The following EFL1 variants were observed in gnomAD, a reference collection of about 807,000 sequenced individuals.
EFL1 encodes elongation factor like GTPase 1.
Under a neutral mutation model 126.7 loss-of-function variants are expected in EFL1, and 76 were observed. The ratio of observed to expected loss-of-function variants is 0.60; its 90% CI spans 0.50 to 0.73. The LOEUF is 0.73. Among genes scored for constraint, EFL1 ranks in the 30% least tolerant of loss-of-function variants. The pLI, the probability that EFL1 is intolerant of heterozygous loss-of-function variation, is 0.00. For missense variants in EFL1, 1,128 were observed against 1,343.2 expected (o/e 0.84, Z 2.50); for synonymous variants, 410 against 448.4 (o/e 0.91, Z 1.08).
chr15:82,211,098 GAA>G (rs34614743), intron 15 of EFL1, among the ~76,000 whole-genome samples: 12 of 143,398 alleles, frequency 8.4e-5, no homozygotes, highest in East Asian at 4.1e-4. Context: ...CTGTTTCAAA[GAA>G]AAAAAAAAAA....
intron 17 of EFL1, among the ~76,000 whole-genome samples, chr15:82,152,823 A>G (rs1340299636): frequency 1.3e-5 from 2 of 152,212 alleles, no homozygotes; most frequent in Non-Finnish European, 2.9e-5. Flanking sequence ...TTAAAACTCT[A>G]AATAGACATA....
Position 82,228,294 on chromosome 15 carries a change from A to G in EFL1, c.966T>C (p.Ser322=). Reference sequence around the variant, plus strand: ...CCCGGGCTCCAATTTTTAATCCTAAAGAAGTCACTATTTTATCAATTTTGT... The same window carrying G: ...CCCGGGCTCCAATTTTTAATCCTAAGGAAGTCACTATTTTATCAATTTTGT... The part of the protein sequence containing the change: ...DKDKIDKIVT[S]LGLKIGAREA... Residue 322 remains serine, a synonymous_variant, in exon 10 of 20, where the codon TCT becomes TCC. Coordinates refer to ENST00000268206, the MANE Select transcript of EFL1 (RefSeq NM_024580.6). The G allele has an allele frequency of 6.2e-7, 1 of 1,614,080 alleles. No individual in the cohort carries two copies. Among genetic ancestry groups the G allele is most frequent in the Non-Finnish European group, 8.5e-7 (1 of 1,179,978 alleles).
chr15:82,228,427 A>G (rs2074787185), intron 9 of EFL1, 100 bp from the exon 10 acceptor site: 1 of 1,420,602 alleles, frequency 7.0e-7, no homozygotes, highest in Non-Finnish European at 9.3e-7. Flanking sequence ...CTAATGTGTT[A>G]CTTTTTCAAA....
intron 15 of EFL1, among the ~76,000 whole-genome samples, chr15:82,170,349 C>T (rs1419897471): frequency 6.6e-6 from 1 of 151,716 alleles, no homozygotes; most frequent in Non-Finnish European, 1.5e-5. Flanking sequence ...CTCCTGACCT[C>T]GTGATCCGCC....
intron 15 of EFL1, among the ~76,000 whole-genome samples, chr15:82,201,235 TCAC>T (rs1177107882): frequency 6.6e-6 from 1 of 151,950 alleles, no homozygotes; most frequent in Non-Finnish European, 1.5e-5. Context: ...CAAGAGATCT[TCAC>T]CAGGAATAAT....
chr15:82,149,635 A>C (rs942222757), intron 18 of EFL1, among the ~76,000 whole-genome samples: 2 of 152,202 alleles, frequency 1.3e-5, no homozygotes, highest in African/African-American at 4.8e-5. Flanking sequence ...GAAATGGTGA[A>C]AGGATACAGA....
chr15:82,164,089 G>T, intron 15 of EFL1, 105 bp from the exon 16 acceptor site: 1 of 1,401,804 alleles, frequency 7.1e-7, no homozygotes, highest in Non-Finnish European at 9.6e-7. Flanking sequence ...AGAGCCAAAT[G>T]CTTCCAAAAT....
intron 8 of EFL1, 134 bp downstream of exon 8, chr15:82,230,714 T>C (rs1178540872): frequency 1.5e-5 from 16 of 1,050,694 alleles, no homozygotes; most frequent in Admixed American, 9.2e-5. Context: ...TTCCCAATTA[T>C]ATACAGTAAA....
chr15:82,202,548 T>G (rs1051576793), intron 15 of EFL1, among the ~76,000 whole-genome samples: 2 of 152,168 alleles, frequency 1.3e-5, no homozygotes, highest in Non-Finnish European at 2.9e-5. Context: ...CACAGGATCT[T>G]CGGAGCTGCC....
At chr15:82,187,128 GA>G (rs1482386312) in intron 15 of EFL1, among the ~76,000 whole-genome samples, 1 of 152,112 alleles carries the variant, frequency 6.6e-6, no homozygotes, top group African/African-American at 2.4e-5. Flanking sequence ...TCTTACAAAG[GA>G]AGTTTGCAGG....
intron 14 of EFL1, among the ~76,000 whole-genome samples, chr15:82,216,192 T>C (rs561892470): frequency 6.6e-6 from 1 of 152,222 alleles, no homozygotes; most frequent in African/African-American, 2.4e-5. Flanking sequence ...TCTTTATAAA[T>C]AAAACTATAA....
At chr15:82,171,772 C>T (rs752422495) in intron 15 of EFL1, among the ~76,000 whole-genome samples, 2 of 152,030 alleles carry the variant, frequency 1.3e-5, no homozygotes, top group Non-Finnish European at 2.9e-5. Flanking sequence ...AAGCTTACTA[C>T]CAAAGTGATA....
intron 19 of EFL1, among the ~76,000 whole-genome samples, chr15:82,133,695 T>C (rs193126340): frequency 1.3e-5 from 2 of 152,304 alleles, no homozygotes; most frequent in Admixed American, 1.3e-4. Context: ...CGGCCACAAG[T>C]TATAATTCTC....
At chr15:82,177,638 T>C (rs187230599) in intron 15 of EFL1, among the ~76,000 whole-genome samples, 3 of 152,346 alleles carry the variant, frequency 2.0e-5, no homozygotes, top group East Asian at 3.9e-4. Flanking sequence ...AAACTGTTCC[T>C]TGATTTTGGT....
At position 82,220,243 on chromosome 15, in the gene EFL1, C is replaced by T. The variant is rs1475426396; in HGVS notation, c.1293-14G>A. ...TGAGTGAGAGGCCTACAGGATATCA[C>T]AAATATGCTGTCATCTCTCAGTTCA... On this transcript the variant is annotated splice_polypyrimidine_tract_variant and intron_variant, in intron 12 of 19. Coordinates refer to ENST00000268206, the MANE Select transcript of EFL1 (RefSeq NM_024580.6). The T allele has an allele frequency of 2.5e-6, 4 of 1,573,338 alleles. No homozygotes were observed. The highest frequency in any genetic ancestry group is 1.4e-5 in the African/African-American group (1 of 72,570).
chr15:82,160,801 T>A (rs2074015312), intron 16 of EFL1, among the ~76,000 whole-genome samples: 1 of 152,202 alleles, frequency 6.6e-6, no homozygotes, highest in Non-Finnish European at 1.5e-5. Context: ...TTCCTAACTG[T>A]ATGGCCTTGG....
chr15:82,256,703 T>A (rs1354879841), intron 3 of EFL1, among the ~76,000 whole-genome samples: 1 of 152,242 alleles, frequency 6.6e-6, no homozygotes, highest in African/African-American at 2.4e-5. Flanking sequence ...ACAATAGATG[T>A]TGAATTTTAC....
At position 82,170,626 on chromosome 15, in the gene EFL1, ACAGT is replaced by A. The variant is rs112143936; in HGVS notation, c.1751-6646_1751-6643del. 5.0e-3 allele frequency among the ~76,000 whole-genome samples: 760 copies of A among 152,340 alleles called. 11 individuals carry two copies. Among genetic ancestry groups the A allele is most frequent in the African/African-American group, 0.017 (726 of 41,574 alleles). On this transcript the variant is annotated intron_variant, in intron 15 of 19. Transcript: ENST00000268206. ...GGAAGTAGTGGCAGTGGTGGTTCTA[ACAGT>A]CAGAGTAGCAGTGGTTTTATTCATA...
At chr15:82,156,504 C>T (rs2073968991) in intron 17 of EFL1, among the ~76,000 whole-genome samples, 1 of 152,116 alleles carries the variant, frequency 6.6e-6, no homozygotes. Context: ...AGGATGGTCT[C>T]GATCTCCTGA....
Sources: allele counts gnomAD v4.1 joint callset (sites outside exome capture counted in the v4.1 genomes callset), GRCh38; gene constraint gnomAD v4.1.1; transcripts MANE v1.5; gene names NCBI Gene and HGNC (gene_info 2026-07-23, HGNC 2026-07-21).